Variants in PEBP4 observed in about 807,000 individuals in gnomAD.
PEBP4 encodes the protein phosphatidylethanolamine-binding protein 4.
PEBP4 carries 22 observed loss-of-function variants against 23.9 expected under a neutral mutation model. The ratio of observed to expected loss-of-function variants is 0.92; its 90% confidence interval spans 0.66 to 1.31. PEBP4 has a LOEUF of 1.31. PEBP4 is among the 40% of genes most tolerant of loss of function. The pLI, the probability that PEBP4 is intolerant of heterozygous loss-of-function variation, is 0.00. For missense variants in PEBP4, 324 were observed against 281.7 expected (o/e 1.15, Z -1.07); for synonymous variants, 112 against 99.3 (o/e 1.13, Z -0.76).
At chr8:22,890,874 C>A (rs1485731300) in intron 3 of PEBP4, among the ~76,000 whole-genome samples, 1 of 152,210 alleles carries the variant, frequency 6.6e-6, no homozygotes, top group Admixed American at 6.5e-5. Flanking sequence ...GTCACCCAGG[C>A]TGGAATGCAA....
intron 4 of PEBP4, among the ~76,000 whole-genome samples, chr8:22,734,356 T>G (rs1239662212): frequency 6.6e-6 from 1 of 152,188 alleles, no homozygotes; most frequent in East Asian, 1.9e-4. Flanking sequence ...GTGGGTGGAA[T>G]GAAGCCCGTG....
chr8:22,776,777 C>G (rs876888), intron 4 of PEBP4, among the ~76,000 whole-genome samples: 32,669 of 145,530 alleles, frequency 0.22, 3,857 homozygotes, highest in East Asian at 0.31. Context: ...CCATTTTTTT[C>G]TGATCGGGCA....
At chr8:22,935,610 A>G (rs1408616736) in intron 1 of PEBP4, among the ~76,000 whole-genome samples, 1 of 152,230 alleles carries the variant, frequency 6.6e-6, no homozygotes, top group Non-Finnish European at 1.5e-5. Flanking sequence ...CCTATGGAAT[A>G]CTACAAGTGA....
At chr8:22,912,443 T>C (rs1237544628) in intron 3 of PEBP4, among the ~76,000 whole-genome samples, 1 of 152,128 alleles carries the variant, frequency 6.6e-6, no homozygotes, top group Non-Finnish European at 1.5e-5. Context: ...CTGTCAACAT[T>C]ACAGGCCTGT....
chr8:22,720,075 G>C (rs1804489718), intron 6 of PEBP4, among the ~76,000 whole-genome samples: 2 of 152,246 alleles, frequency 1.3e-5, no homozygotes, highest in South Asian at 4.1e-4. Context: ...CAGTGGGCTG[G>C]GCACAGGGAC....
chr8:22,848,033 T>G (rs1807475214), intron 3 of PEBP4, among the ~76,000 whole-genome samples: 1 of 150,690 alleles, frequency 6.6e-6, no homozygotes, highest in Non-Finnish European at 1.5e-5. Context: ...GCTAAAGCTC[T>G]CTCTCTCTCT....
chr8:22,929,592 G>A (rs1809423023), upstream of PEBP4, among the ~76,000 whole-genome samples: 1 of 152,208 alleles, frequency 6.6e-6, no homozygotes, highest in Admixed American at 6.5e-5. Context: ...TCTTATGGAG[G>A]AGGAGACAGC....
chr8:22,835,205 C>T (rs542189303), intron 3 of PEBP4, among the ~76,000 whole-genome samples: 46 of 152,272 alleles, frequency 3.0e-4, no homozygotes, highest in African/African-American at 1.0e-3. Context: ...GGCAATAATA[C>T]CTGTCTCACA....
At chr8:22,909,186 A>G (rs966136717) in intron 3 of PEBP4, among the ~76,000 whole-genome samples, 12 of 152,080 alleles carry the variant, frequency 7.9e-5, no homozygotes, top group South Asian at 2.1e-4. Flanking sequence ...GGCTCTTCCC[A>G]TTGCAGCCCC....
At chr8:22,839,429 A>G (rs1047608683) in intron 3 of PEBP4, among the ~76,000 whole-genome samples, 1 of 152,224 alleles carries the variant, frequency 6.6e-6, no homozygotes, top group Non-Finnish European at 1.5e-5. Flanking sequence ...GTGGGGAGGC[A>G]GAGGCTGGAA....
At chr8:22,794,700 CAGA>C (rs1806207961) in intron 4 of PEBP4, among the ~76,000 whole-genome samples, 1 of 152,054 alleles carries the variant, frequency 6.6e-6, no homozygotes, top group African/African-American at 2.4e-5. Context: ...ATTTTACCCT[CAGA>C]AGTTTTTATT....
chr8:22,843,155 G>C lies in PEBP4; in HGVS notation c.259-25420C>G, dbSNP rs377582372. 2.8e-4 allele frequency among the ~76,000 whole-genome samples: 43 copies of C among 152,156 alleles called. No homozygotes were observed. The East Asian group carries it at 8.1e-3, about 29-fold the overall frequency. On this transcript the variant is annotated intron_variant, in intron 3 of 6. Transcript: ENST00000256404. ...TTTTTTGTATTTTTAGTAGAGACAG[G>C]GTTTCTATGTTTTGGCCAGGCTGGT... is the stretch of plus-strand genomic sequence containing the variant.
chr8:22,762,384 T>C (rs886429093), intron 4 of PEBP4, among the ~76,000 whole-genome samples: 1 of 152,216 alleles, frequency 6.6e-6, no homozygotes, highest in Non-Finnish European at 1.5e-5. Context: ...TGGAAAACCA[T>C]GTGCCAAAGA....
intron 3 of PEBP4, among the ~76,000 whole-genome samples, chr8:22,854,984 A>T (rs1384807692): frequency 7.5e-6 from 1 of 133,606 alleles, no homozygotes; most frequent in African/African-American, 2.8e-5. Context: ...ATGAGTGTGT[A>T]TGTGTGAGTA....
At chr8:22,912,036 A>AG (rs1308631186) in intron 3 of PEBP4, among the ~76,000 whole-genome samples, 13 of 151,840 alleles carry the variant, frequency 8.6e-5, no homozygotes, top group South Asian at 8.3e-4. Flanking sequence ...GGATTGGGTA[A>AG]GGGGGGGCGC....
chr8:22,831,729 G>C (rs564517558), intron 3 of PEBP4, among the ~76,000 whole-genome samples: 2 of 152,284 alleles, frequency 1.3e-5, no homozygotes, highest in African/African-American at 4.8e-5. Flanking sequence ...GACCAGCAGA[G>C]GATGCTACCG....
At chr8:22,816,866 T>C (rs978521140) in intron 4 of PEBP4, among the ~76,000 whole-genome samples, 1 of 152,136 alleles carries the variant, frequency 6.6e-6, no homozygotes, top group African/African-American at 2.4e-5. Flanking sequence ...AAGGATTCAA[T>C]AATCAAATGC....
intron 4 of PEBP4, among the ~76,000 whole-genome samples, chr8:22,743,137 C>A (rs1371561646): frequency 6.6e-6 from 1 of 152,138 alleles, no homozygotes. Context: ...AAGCCCCAGG[C>A]CCTTATCAGT....
At chr8:22,906,913 T>C (rs1322409248) in intron 3 of PEBP4, among the ~76,000 whole-genome samples, 2 of 151,972 alleles carry the variant, frequency 1.3e-5, no homozygotes, top group African/African-American at 2.4e-5. Context: ...AAAAATGATA[T>C]GTAAGTTAGA....
Sources: allele counts gnomAD v4.1 joint callset (sites outside exome capture counted in the v4.1 genomes callset), GRCh38; gene constraint gnomAD v4.1.1; transcripts MANE v1.5; gene names NCBI Gene and HGNC (gene_info 2026-07-23, HGNC 2026-07-21).